DCX: variants seen among roughly 807,000 people sequenced by gnomAD.
DCX encodes neuronal migration protein doublecortin.
A neutral mutation model predicts 20.9 loss-of-function variants in DCX; 4 were observed. The observed-to-expected ratio is 0.19, with a 90% CI of 0.09 to 0.44. The LOEUF (loss-of-function observed/expected upper bound fraction) is 0.44. DCX is among the 20% of genes least tolerant of loss of function. The pLI is 0.99. For missense variants in DCX, 133 were observed against 296.9 expected, an observed-to-expected ratio of 0.45 and a Z score of 4.06; for synonymous variants, 103 against 111.4, an observed-to-expected ratio of 0.92 and a Z score of 0.47.
At chrX:111,316,391 C>A (rs1263981309) in intron 5 of DCX, among the ~76,000 whole-genome samples, 1 of 110,901 alleles carries the variant, frequency 9.0e-6, no homozygotes, top group Non-Finnish European at 1.9e-5. Flanking sequence ...ACCACCATGC[C>A]CAGCTAATTT....
Position 111,350,044 on chromosome X carries a change from G to A in DCX, c.706-16891C>T, listed in dbSNP as rs139238122. Reference sequence around the variant, plus strand: ...GACAATTAGATATAGAGAACACTCTGATAAGAGCTATGACCTTCAGTCAAG... The same window carrying A: ...GACAATTAGATATAGAGAACACTCTAATAAGAGCTATGACCTTCAGTCAAG... On this transcript the variant is annotated intron_variant, in intron 3 of 6. Transcript: ENST00000636035. Among the ~76,000 whole-genome samples the A allele has an allele frequency of 2.7e-3, 300 of 112,018 alleles. 3 individuals carry two copies. The highest frequency in any genetic ancestry group is 9.3e-3 in the African/African-American group (286 of 30,794).
chrX:111,407,032 T>A (rs909928790), intron 2 of DCX, among the ~76,000 whole-genome samples: 4 of 112,140 alleles, frequency 3.6e-5, no homozygotes, highest in African/African-American at 1.3e-4. Flanking sequence ...AAACCTATGA[T>A]CATGTAGCTA....
At chrX:111,389,559 T>G (rs1378980397) in intron 3 of DCX, among the ~76,000 whole-genome samples, 1 of 111,387 alleles carries the variant, frequency 9.0e-6, no homozygotes, top group African/African-American at 3.3e-5. Context: ...CTTCAATGCA[T>G]CTAAACCCCA....
At chrX:111,378,355 T>A (rs932640799) in intron 3 of DCX, among the ~76,000 whole-genome samples, 1 of 111,077 alleles carries the variant, frequency 9.0e-6, no homozygotes, top group Admixed American at 9.6e-5. Context: ...ACATCCAAAG[T>A]CCTGAGTCCT....
intron 3 of DCX, among the ~76,000 whole-genome samples, chrX:111,386,410 C>A (rs1391812552): frequency 2.7e-5 from 3 of 111,009 alleles, no homozygotes; most frequent in South Asian, 3.9e-4. Flanking sequence ...TATCTACAAG[C>A]AAAGTGGCAA....
chrX:111,338,458 T>C (rs1258814396), intron 3 of DCX, among the ~76,000 whole-genome samples: 2 of 111,978 alleles, frequency 1.8e-5, no homozygotes, highest in Non-Finnish European at 3.8e-5. Context: ...AGGCTTTTTC[T>C]AAATGTTACT....
At chrX:111,341,246 G>A (rs1020406734) in intron 3 of DCX, among the ~76,000 whole-genome samples, 15 of 108,630 alleles carry the variant, frequency 1.4e-4, no homozygotes, top group African/African-American at 4.0e-4. Context: ...ATTAATAGCC[G>A]ACTCGACCAA....
intron 3 of DCX, among the ~76,000 whole-genome samples, chrX:111,360,781 T>C (rs1214081326): frequency 9.0e-6 from 1 of 111,395 alleles, no homozygotes. Context: ...GCAGTGGAAA[T>C]ATATTCACCC....
chrX:111,389,744 G>T (rs1439374627), intron 3 of DCX, among the ~76,000 whole-genome samples: 4 of 111,150 alleles, frequency 3.6e-5, no homozygotes, highest in African/African-American at 1.3e-4. Context: ...CCTACTTCTT[G>T]CCCTGGCTTT....
chrX:111,326,616 T>C (rs1370383676), intron 5 of DCX, among the ~76,000 whole-genome samples: 6 of 111,915 alleles, frequency 5.4e-5, no homozygotes, highest in Non-Finnish European at 1.1e-4. Context: ...CTAATATGAC[T>C]TGGATTCTAA....
At position 111,294,401 on chromosome X, in the gene DCX, A is replaced by G. The variant is rs1009910063; in HGVS notation, c.*7286T>C. The G allele has an allele frequency of 9.0e-6, 1 of 110,849 alleles. No homozygotes were observed. The allele number at this position is 110,849 out of a possible 1,213,427, so 9.1% of individuals were successfully genotyped here. A position where few individuals can be genotyped will look rare whatever the true frequency, so the allele number is the denominator to read the frequency against. The stretch of plus-strand genomic sequence containing the variant: ...CTTAAAACAGCTGCAGGGATAAGGG[A>G]CATCACTACCTACTGTCTTTGGATT... On this transcript the variant is annotated 3_prime_UTR_variant, in exon 7 of 7. Transcript: ENST00000636035.
At chrX:111,404,914 G>C (rs757378367) in intron 2 of DCX, among the ~76,000 whole-genome samples, 1 of 112,149 alleles carries the variant, frequency 8.9e-6, no homozygotes, top group East Asian at 2.8e-4. Context: ...GAGGTGTGTC[G>C]CACCTTTACA....
intron 3 of DCX, among the ~76,000 whole-genome samples, chrX:111,361,948 A>G (rs1253519882): frequency 8.9e-6 from 1 of 112,044 alleles, no homozygotes; most frequent in Admixed American, 9.5e-5. Flanking sequence ...CCAATTAGTA[A>G]CAACTGTGAA....
intron 3 of DCX, among the ~76,000 whole-genome samples, chrX:111,363,206 C>T (rs924525523): frequency 6.3e-5 from 7 of 110,892 alleles, no homozygotes; most frequent in Admixed American, 2.9e-4. Context: ...GACAGAAAGC[C>T]CTGCCCTTTC....
chrX:111,381,224 T>C (rs752390157), intron 3 of DCX, among the ~76,000 whole-genome samples: 2 of 110,700 alleles, frequency 1.8e-5, no homozygotes, highest in South Asian at 7.7e-4. Flanking sequence ...GTTTTCAGTA[T>C]ATATTTATTT....
At chrX:111,307,713 G>A (rs1162136871) in intron 6 of DCX, among the ~76,000 whole-genome samples, 1 of 111,637 alleles carries the variant, frequency 9.0e-6, no homozygotes, top group East Asian at 2.8e-4. Context: ...GAACTCCCTG[G>A]GTATTTTTCA....
intron 5 of DCX, among the ~76,000 whole-genome samples, chrX:111,325,677 G>A (rs1238526644): frequency 2.7e-5 from 3 of 111,624 alleles, no homozygotes; most frequent in Non-Finnish European, 3.8e-5. Flanking sequence ...TTTGAAGTGC[G>A]GCTAGTCAGA....
chrX:111,321,825 G>A (rs987552523), intron 5 of DCX, among the ~76,000 whole-genome samples: 6 of 112,147 alleles, frequency 5.4e-5, no homozygotes, highest in African/African-American at 1.6e-4. Context: ...GGTTACATGA[G>A]TCATTATACT....
intron 3 of DCX, among the ~76,000 whole-genome samples, chrX:111,369,204 C>T (rs1264402310): frequency 9.0e-6 from 1 of 110,819 alleles, no homozygotes; most frequent in African/African-American, 3.3e-5. Context: ...GTGAGTCTGC[C>T]TTTCCTAGCC....
Sources: gnomAD v4.1 joint callset for allele counts (sites outside exome capture counted in the v4.1 genomes callset) on GRCh38, gnomAD v4.1.1 for gene constraint, MANE v1.5 for transcripts, NCBI Gene and HGNC (gene_info 2026-07-23, HGNC 2026-07-21) for gene names.